CPEB3: variants seen among roughly 807,000 people sequenced by gnomAD.
CPEB3 encodes cytoplasmic polyadenylation element-binding protein 3.
CPEB3 carries 20 observed loss-of-function variants against 67.2 expected under a neutral mutation model. That is an observed-to-expected ratio of 0.30 (90% CI 0.21 to 0.43). The LOEUF is 0.43. CPEB3 is among the 20% of genes least tolerant of loss of function. The pLI is 1.00. For synonymous variants in CPEB3, 376 were observed against 393.1 expected, an observed-to-expected ratio of 0.96 and a Z score of 0.51; for missense variants, 746 against 968.6, an observed-to-expected ratio of 0.77 and a Z score of 3.05.
chr10:92,247,958 G>A (rs2134755789), intron 1 of CPEB3, among the ~76,000 whole-genome samples: 1 of 152,264 alleles, frequency 6.6e-6, no homozygotes, highest in Non-Finnish European at 1.5e-5. Flanking sequence ...GCAGTGGTGT[G>A]ATCTTGGCTC....
intron 1 of CPEB3, among the ~76,000 whole-genome samples, chr10:92,241,066 A>T (rs1851829772): frequency 6.6e-6 from 1 of 152,108 alleles, no homozygotes; most frequent in African/African-American, 2.4e-5. Flanking sequence ...TTTAAAAAAA[A>T]CGTTTTTAAA....
chr10:92,120,927 C>T (rs1212644839), intron 6 of CPEB3, among the ~76,000 whole-genome samples: 3 of 152,066 alleles, frequency 2.0e-5, no homozygotes, highest in Non-Finnish European at 4.4e-5. Context: ...TCTCAAACTC[C>T]TGACCTCAGG....
At chr10:92,062,913 A>G (rs192659035) in intron 9 of CPEB3, among the ~76,000 whole-genome samples, 1 of 152,320 alleles carries the variant, frequency 6.6e-6, no homozygotes, top group African/African-American at 2.4e-5. Context: ...GGCAAAGGAG[A>G]TGAGAACTAC....
rs1393118771 is a variant in CPEB3, at chr10:92,201,877, A to C, written c.1006-9241T>G. Among the ~76,000 whole-genome samples the C allele has an allele frequency of 2.0e-5, 3 of 152,152 alleles. No individual in the cohort carries two copies. The East Asian group carries it at 5.8e-4, about 29-fold the overall frequency. On this transcript the variant is annotated intron_variant, in intron 2 of 9. Coordinates refer to ENST00000265997, the MANE Select transcript of CPEB3 (RefSeq NM_014912.5). ...AAGTATATTGTAATTACTTCTTTAC[A>C]TGCCTGTCACTCTCAATAAACTGTA...
chr10:92,251,853 A>C (rs563225376), intron 1 of CPEB3, among the ~76,000 whole-genome samples: 20 of 152,080 alleles, frequency 1.3e-4, no homozygotes, highest in African/African-American at 4.8e-4. Flanking sequence ...AGGCATGAGA[A>C]TAGTTTGAAC....
chr10:92,228,515 G>T (rs888652128), intron 2 of CPEB3, among the ~76,000 whole-genome samples: 2 of 151,964 alleles, frequency 1.3e-5, no homozygotes, highest in Non-Finnish European at 2.9e-5. Context: ...TAGGGGGTTC[G>T]ATTGTCAGAT....
At chr10:92,213,059 T>G (rs1850174002) in intron 2 of CPEB3, among the ~76,000 whole-genome samples, 1 of 152,246 alleles carries the variant, frequency 6.6e-6, no homozygotes, top group African/African-American at 2.4e-5. Context: ...CTTAAATTCC[T>G]GCATTCCGAA....
chr10:92,182,049 AAT>A (rs1221290387), intron 3 of CPEB3, among the ~76,000 whole-genome samples: 1 of 152,244 alleles, frequency 6.6e-6, no homozygotes, highest in Non-Finnish European at 1.5e-5. Context: ...CCTTCAACAA[AAT>A]AGTTATTGAA....
intron 2 of CPEB3, among the ~76,000 whole-genome samples, chr10:92,220,749 C>T (rs1335957377): frequency 6.6e-6 from 1 of 152,076 alleles, no homozygotes; most frequent in Admixed American, 6.6e-5. Context: ...AATTGCATTC[C>T]GAAATGCTCT....
intron 4 of CPEB3, among the ~76,000 whole-genome samples, chr10:92,167,317 C>T (rs1847791179): frequency 6.6e-6 from 1 of 152,218 alleles, no homozygotes; most frequent in African/African-American, 2.4e-5. Flanking sequence ...GCACAAGAGG[C>T]CTAGCTTTTA....
At chr10:92,165,483 G>A (rs1462620419) in intron 4 of CPEB3, among the ~76,000 whole-genome samples, 1 of 136,732 alleles carries the variant, frequency 7.3e-6, no homozygotes, top group Non-Finnish European at 1.5e-5. Flanking sequence ...GGTGGTTGCT[G>A]AAGGTTGGGG....
intron 1 of CPEB3, among the ~76,000 whole-genome samples, chr10:92,246,330 T>C (rs1296937363): frequency 6.8e-5 from 10 of 146,292 alleles, no homozygotes; most frequent in Non-Finnish European, 1.3e-4. Flanking sequence ...CGAGACTCCG[T>C]CTCAAAAACA....
rs1020679244 is a variant in CPEB3 at position 92,051,143 on chromosome 10, T to C, written c.*1069A>G. The C allele has an allele frequency of 6.6e-6, 1 of 152,580 alleles. No individual in the cohort carries two copies. Among genetic ancestry groups the C allele is most frequent in the African/African-American group, 2.4e-5 (1 of 41,464 alleles). 9.5% of individuals were successfully genotyped at this position (152,580 alleles called of 1,614,324 possible). On this transcript the variant is annotated 3_prime_UTR_variant, in exon 10 of 10. Transcript: ENST00000265997. ...GGTTGTAATATAGGTCATTCTGTTA[T>C]GGGCTCTTCCCATTCAGAGCATTCC...
chr10:92,196,143 T>C (rs1231993548), intron 2 of CPEB3, among the ~76,000 whole-genome samples: 2 of 152,212 alleles, frequency 1.3e-5, no homozygotes, highest in Non-Finnish European at 2.9e-5. Flanking sequence ...TTAATCATAA[T>C]TTAAAACAAA....
At chr10:92,238,442 G>A (rs561209472) in intron 2 of CPEB3, among the ~76,000 whole-genome samples, 1 of 152,076 alleles carries the variant, frequency 6.6e-6, no homozygotes, top group Non-Finnish European at 1.5e-5. Flanking sequence ...CAAGACACAG[G>A]ACTCATTTTT....
intron 4 of CPEB3, among the ~76,000 whole-genome samples, chr10:92,172,669 A>T (rs1277950073): frequency 2.0e-5 from 3 of 152,172 alleles, no homozygotes; most frequent in Non-Finnish European, 4.4e-5. Flanking sequence ...CTGCATATGT[A>T]CCCCCTGAAC....
At chr10:92,174,536 T>C (rs1158846745) in intron 4 of CPEB3, among the ~76,000 whole-genome samples, 1 of 152,198 alleles carries the variant, frequency 6.6e-6, no homozygotes, top group Non-Finnish European at 1.5e-5. Context: ...TGTCTTTTTT[T>C]GGCTTAAGAT....
chr10:92,132,511 A>C (rs1260058082), intron 6 of CPEB3, among the ~76,000 whole-genome samples: 2 of 152,216 alleles, frequency 1.3e-5, no homozygotes, highest in Admixed American at 1.3e-4. Context: ...TTCAGAAAAC[A>C]CAAAGAAGAC....
At chr10:92,061,543 A>C (rs562557474) in intron 9 of CPEB3, among the ~76,000 whole-genome samples, 1 of 152,314 alleles carries the variant, frequency 6.6e-6, no homozygotes, top group East Asian at 1.9e-4. Context: ...ACATGGATAG[A>C]ACTGGAGATC....
Sources: gnomAD v4.1 joint callset for allele counts (sites outside exome capture counted in the v4.1 genomes callset) on GRCh38, gnomAD v4.1.1 for gene constraint, MANE v1.5 for transcripts, NCBI Gene and HGNC (gene_info 2026-07-23, HGNC 2026-07-21) for gene names.